GALNTL6: variants seen among roughly 807,000 people sequenced by gnomAD.
GALNTL6 encodes polypeptide N-acetylgalactosaminyltransferase-like 6.
GALNTL6 carries 46 observed loss-of-function variants against 73.7 expected under a neutral mutation model. The observed-to-expected ratio is 0.62, with a 90% confidence interval of 0.49 to 0.80. The LOEUF is 0.80. Among genes scored for constraint, GALNTL6 ranks in the 30% least tolerant of loss-of-function variants. The pLI, the probability that GALNTL6 is intolerant of heterozygous loss-of-function variation, is 0.00. For synonymous variants in GALNTL6, 259 were observed against 263.7 expected, an observed-to-expected ratio of 0.98 and a Z score of 0.17; for missense variants, 604 against 755.0, an observed-to-expected ratio of 0.80 and a Z score of 2.34.
intron 5 of GALNTL6, among the ~76,000 whole-genome samples, chr4:172,616,241 T>C (rs569548642): frequency 1.3e-4 from 20 of 152,312 alleles, no homozygotes; most frequent in Admixed American, 1.2e-3. Context: ...GTTGAGAGAA[T>C]GTTCTTTATT....
At chr4:172,959,794 G>A (rs923324599) in intron 10 of GALNTL6, among the ~76,000 whole-genome samples, 1 of 152,174 alleles carries the variant, frequency 6.6e-6, no homozygotes, top group Admixed American at 6.5e-5. Flanking sequence ...TGGGCTGCGG[G>A]CATTCCTTGG....
intron 7 of GALNTL6, among the ~76,000 whole-genome samples, chr4:172,841,622 C>T (rs765479009): frequency 6.6e-5 from 10 of 152,254 alleles, no homozygotes; most frequent in South Asian, 2.1e-4. Flanking sequence ...ATGTCTTACA[C>T]GGTGGCTGGA....
chr4:171,931,072 C>A (rs1293518406), intron 2 of GALNTL6, among the ~76,000 whole-genome samples: 1 of 152,152 alleles, frequency 6.6e-6, no homozygotes, highest in Non-Finnish European at 1.5e-5. Context: ...TTTAGTAATG[C>A]CATTTGGTTT....
At chr4:172,303,465 C>G (rs528736710) in intron 3 of GALNTL6, among the ~76,000 whole-genome samples, 1 of 152,140 alleles carries the variant, frequency 6.6e-6, no homozygotes, top group East Asian at 1.9e-4. Context: ...ACCTTAGTTG[C>G]GATTCCTAAT....
chr4:172,974,116 G>A (rs1260928965), intron 10 of GALNTL6, among the ~76,000 whole-genome samples: 1 of 152,170 alleles, frequency 6.6e-6, no homozygotes, highest in East Asian at 1.9e-4. Flanking sequence ...TTGTACTTAT[G>A]CCCTACAGCT....
At chr4:172,212,351 G>A (rs932084256) in intron 2 of GALNTL6, among the ~76,000 whole-genome samples, 4 of 151,516 alleles carry the variant, frequency 2.6e-5, no homozygotes, top group Admixed American at 6.6e-5. Context: ...TAGTAAAGAC[G>A]GGGTTTCACC....
chr4:172,817,496 T>C (rs959628952), intron 7 of GALNTL6, among the ~76,000 whole-genome samples: 2 of 152,154 alleles, frequency 1.3e-5, no homozygotes, highest in Non-Finnish European at 2.9e-5. Flanking sequence ...GAATGTTCCC[T>C]CTTTCTGGTG....
intron 5 of GALNTL6, among the ~76,000 whole-genome samples, chr4:172,534,257 C>T (rs1188630633): frequency 6.6e-6 from 1 of 152,208 alleles, no homozygotes; most frequent in Non-Finnish European, 1.5e-5. Context: ...CTTCAGGCCT[C>T]TCCTGCTTAT....
At chr4:172,976,736 T>C (rs1347853335) in intron 10 of GALNTL6, among the ~76,000 whole-genome samples, 1 of 152,232 alleles carries the variant, frequency 6.6e-6, no homozygotes, top group African/African-American at 2.4e-5. Flanking sequence ...CACAGAAAGT[T>C]TGAGAGACAG....
At chr4:172,237,183 T>C (rs1420719095) in intron 3 of GALNTL6, among the ~76,000 whole-genome samples, 1 of 152,198 alleles carries the variant, frequency 6.6e-6, no homozygotes, top group African/African-American at 2.4e-5. Context: ...ACATACACAT[T>C]CATGTGTCTT....
chr4:172,492,462 A>G (rs1733931740), intron 5 of GALNTL6, among the ~76,000 whole-genome samples: 1 of 152,158 alleles, frequency 6.6e-6, no homozygotes, highest in Non-Finnish European at 1.5e-5. Context: ...AGTATTCAAT[A>G]TTACTTTTTT....
chr4:172,271,300 G>T (rs950751236), intron 3 of GALNTL6, among the ~76,000 whole-genome samples: 2 of 152,044 alleles, frequency 1.3e-5, no homozygotes, highest in Non-Finnish European at 2.9e-5. Flanking sequence ...TGCTATAGAA[G>T]AATATATGTA....
intron 7 of GALNTL6, among the ~76,000 whole-genome samples, chr4:172,833,670 C>T (rs1467320009): frequency 1.3e-5 from 2 of 152,172 alleles, no homozygotes; most frequent in African/African-American, 4.8e-5. Flanking sequence ...AAGCAGCTAA[C>T]CCCAACTCTA....
At chr4:172,588,999 T>C (rs1737534757) in intron 5 of GALNTL6, among the ~76,000 whole-genome samples, 2 of 152,258 alleles carry the variant, frequency 1.3e-5, no homozygotes. Context: ...CTCAAATTAA[T>C]TAACTACATT....
intron 3 of GALNTL6, among the ~76,000 whole-genome samples, chr4:172,260,321 A>G (rs376401608): frequency 6.6e-6 from 1 of 151,594 alleles, no homozygotes; most frequent in Non-Finnish European, 1.5e-5. Context: ...TTCCTTGGTT[A>G]GGTATATTCC....
intron 2 of GALNTL6, among the ~76,000 whole-genome samples, chr4:171,823,701 A>G (rs1009103652): frequency 7.3e-5 from 11 of 151,606 alleles, no homozygotes; most frequent in African/African-American, 2.4e-4. Flanking sequence ...ATAATACTGA[A>G]AGGAGATGTC....
chr4:172,960,440 G>C (rs1276154084), intron 10 of GALNTL6, among the ~76,000 whole-genome samples: 9 of 152,182 alleles, frequency 5.9e-5, no homozygotes, highest in Admixed American at 5.9e-4. Flanking sequence ...AGGAAGAATT[G>C]GGACCTGGCT....
intron 8 of GALNTL6, among the ~76,000 whole-genome samples, chr4:172,885,984 G>A (rs1018350110): frequency 6.6e-6 from 1 of 152,132 alleles, no homozygotes; most frequent in Admixed American, 6.6e-5. Context: ...CTATGTTTAT[G>A]AGGAATGTTG....
At chr4:171,869,932 A>G (rs1327902983) in intron 2 of GALNTL6, among the ~76,000 whole-genome samples, 2 of 152,168 alleles carry the variant, frequency 1.3e-5, no homozygotes, top group South Asian at 2.1e-4. Flanking sequence ...TTCTTTATAA[A>G]TTACCTAATC....
Sources: allele counts gnomAD v4.1 joint callset (sites outside exome capture counted in the v4.1 genomes callset), GRCh38; gene constraint gnomAD v4.1.1; transcripts MANE v1.5; gene names NCBI Gene and HGNC (gene_info 2026-07-23, HGNC 2026-07-21).